Variants in IQCM observed in about 807,000 individuals in gnomAD.
The protein encoded by IQCM is IQ domain-containing protein M.
In IQCM, 45 loss-of-function variants were observed where a neutral mutation model predicts 57.6. The observed-to-expected ratio is 0.78, with a 90% CI of 0.62 to 1.00. IQCM has a LOEUF of 1.00. Ranked by LOEUF, IQCM falls within the 50% of genes least tolerant of loss-of-function variation. The probability of loss-of-function intolerance (pLI) is 0.00; values close to 1 mark genes in which losing one functional copy is unlikely to be tolerated. For synonymous variants in IQCM, 148 were observed against 158.9 expected (o/e 0.93, Z 0.51); for missense variants, 468 against 511.6 (o/e 0.91, Z 0.82).
intron 8 of IQCM, among the ~76,000 whole-genome samples, chr4:149,588,341 T>A (rs187093901): frequency 2.6e-5 from 4 of 151,928 alleles, no homozygotes; most frequent in Admixed American, 2.0e-4. Flanking sequence ...ATACAGTACA[T>A]ATGCAAAAGG....
At chr4:149,453,123 G>A (rs1737311410) in intron 12 of IQCM, among the ~76,000 whole-genome samples, 1 of 151,314 alleles carries the variant, frequency 6.6e-6, no homozygotes, top group South Asian at 2.1e-4. Flanking sequence ...GAAACAAAGT[G>A]TGAGACTTGT....
intron 9 of IQCM, among the ~76,000 whole-genome samples, chr4:149,587,190 A>G (rs1026918571): frequency 5.9e-5 from 9 of 151,784 alleles, no homozygotes; most frequent in Non-Finnish European, 1.3e-4. Context: ...ACGTTGGAAA[A>G]GCTAGATAAA....
chr4:149,505,382 C>T (rs1478047911), intron 12 of IQCM, among the ~76,000 whole-genome samples: 3 of 152,036 alleles, frequency 2.0e-5, no homozygotes, highest in Admixed American at 6.6e-5. Context: ...ATTGTATTGA[C>T]GAATACTCTT....
chr4:149,755,999 C>G (rs2149948984), intron 2 of IQCM, among the ~76,000 whole-genome samples: 1 of 152,256 alleles, frequency 6.6e-6, no homozygotes, highest in Middle Eastern at 3.4e-3. Context: ...AAGGCTGGGT[C>G]TTTTAATAAT....
intron 8 of IQCM, among the ~76,000 whole-genome samples, chr4:149,591,562 A>C (rs992655801): frequency 5.9e-5 from 9 of 151,822 alleles, no homozygotes; most frequent in African/African-American, 1.9e-4. Context: ...TTAACTCGTC[A>C]TTTAGCATTA....
At chr4:149,812,904 G>T (rs1216835233) in intron 2 of IQCM, among the ~76,000 whole-genome samples, 2 of 152,100 alleles carry the variant, frequency 1.3e-5, no homozygotes, top group Non-Finnish European at 2.9e-5. Flanking sequence ...ATTTTACTTT[G>T]TTGTAATAGT....
intron 13 of IQCM, among the ~76,000 whole-genome samples, chr4:149,377,317 A>T (rs1313980178): frequency 6.6e-6 from 1 of 152,202 alleles, no homozygotes; most frequent in Non-Finnish European, 1.5e-5. Flanking sequence ...AGCTTACGAT[A>T]AACAAAACAT....
intron 12 of IQCM, among the ~76,000 whole-genome samples, chr4:149,519,014 G>GA (rs1349192260): frequency 3.3e-5 from 5 of 152,110 alleles, no homozygotes; most frequent in Non-Finnish European, 7.4e-5. Context: ...TTGATTTAGA[G>GA]AAAAAAGCAG....
intron 9 of IQCM, among the ~76,000 whole-genome samples, chr4:149,570,245 TC>T (rs1476755676): frequency 6.6e-6 from 1 of 152,112 alleles, no homozygotes; most frequent in Non-Finnish European, 1.5e-5. Context: ...CTTTTTTCTA[TC>T]ATAATGTAAT....
intron 5 of IQCM, among the ~76,000 whole-genome samples, chr4:149,726,314 A>G (rs1243266243): frequency 1.3e-5 from 2 of 152,074 alleles, no homozygotes; most frequent in Non-Finnish European, 2.9e-5. Flanking sequence ...AAAAAAATTG[A>G]AGTAATCTCA....
chr4:149,419,167 A>G (rs1733955350), intron 13 of IQCM, among the ~76,000 whole-genome samples: 1 of 152,164 alleles, frequency 6.6e-6, no homozygotes, highest in African/African-American at 2.4e-5. Context: ...AACCAAAAAA[A>G]GAGCTCCTAT....
At chr4:149,398,889 T>A (rs987706642) in intron 13 of IQCM, among the ~76,000 whole-genome samples, 2 of 151,698 alleles carry the variant, frequency 1.3e-5, no homozygotes, top group Non-Finnish European at 2.9e-5. Context: ...GTTGTTGTTG[T>A]TTTCTTTTTA....
intron 13 of IQCM, among the ~76,000 whole-genome samples, chr4:149,390,010 A>G (rs529131447): frequency 2.6e-5 from 4 of 151,992 alleles, no homozygotes; most frequent in African/African-American, 9.7e-5. Context: ...AGAAAAAAAA[A>G]CTTAGATTTT....
chr4:149,763,831 AC>A lies in IQCM; in HGVS notation c.-48-21093del, dbSNP rs1468602203. ...AGAAAGTCCTGCAAAAAGATGCAAT[AC>A]CTGAAGAACAGGGAACTTTTTTTTT... On this transcript the variant is annotated intron_variant, in intron 2 of 13. Coordinates refer to ENST00000636793, the MANE Select transcript of IQCM (RefSeq NM_001363507.2). 4.6e-5 allele frequency among the ~76,000 whole-genome samples: 7 copies of A among 151,944 alleles called. No individual in the cohort carries two copies. In the South Asian group the frequency reaches 1.5e-3, roughly 32 times the overall value.
intron 12 of IQCM, among the ~76,000 whole-genome samples, chr4:149,470,443 C>CCTAATA (rs533365810): frequency 6.6e-5 from 10 of 152,250 alleles, no homozygotes; most frequent in African/African-American, 2.2e-4. Flanking sequence ...TATATATGCA[C>CCTAATA]CTAATACAGG....
chr4:149,568,058 T>A (rs936399769), intron 9 of IQCM, among the ~76,000 whole-genome samples: 1 of 152,146 alleles, frequency 6.6e-6, no homozygotes, highest in African/African-American at 2.4e-5. Flanking sequence ...ATAAGGCACA[T>A]CCTGGGGCTA....
intron 12 of IQCM, among the ~76,000 whole-genome samples, chr4:149,476,166 A>G (rs1009175692): frequency 3.9e-5 from 6 of 152,168 alleles, no homozygotes; most frequent in African/African-American, 1.4e-4. Context: ...AAGTGAAGGA[A>G]CCAACTTCAG....
chr4:149,692,916 T>C (rs1469583044), intron 5 of IQCM, among the ~76,000 whole-genome samples: 1 of 151,916 alleles, frequency 6.6e-6, no homozygotes, highest in Non-Finnish European at 1.5e-5. Context: ...AAAACAGAGG[T>C]AAAGTGATGA....
At chr4:149,473,558 A>T (rs1346757193) in intron 12 of IQCM, among the ~76,000 whole-genome samples, 7 of 152,204 alleles carry the variant, frequency 4.6e-5, no homozygotes, top group African/African-American at 1.7e-4. Context: ...ATTGTGGAAG[A>T]CAGTGTGGTG....
Sources: gnomAD v4.1 joint callset for allele counts (sites outside exome capture counted in the v4.1 genomes callset) on GRCh38, gnomAD v4.1.1 for gene constraint, MANE v1.5 for transcripts, NCBI Gene and HGNC (gene_info 2026-07-23, HGNC 2026-07-21) for gene names.